Variants in KIF6 observed in about 807,000 individuals in gnomAD.
The protein encoded by KIF6 is kinesin family member 6, also known as kinesin-like protein KIF6.
In KIF6, 106 loss-of-function variants were observed where a neutral mutation model predicts 112.7. The observed-to-expected ratio is 0.94, with a 90% confidence interval of 0.80 to 1.11. KIF6 has a LOEUF of 1.11. Ranked by LOEUF, KIF6 falls within the 50% of genes least tolerant of loss-of-function variation. The pLI, the probability that KIF6 is intolerant of heterozygous loss-of-function variation, is 0.00. For synonymous variants in KIF6, 339 were observed against 339.9 expected (o/e 1.00, Z 0.03); for missense variants, 929 against 964.0 (o/e 0.96, Z 0.48).
intron 10 of KIF6, among the ~76,000 whole-genome samples, chr6:39,551,959 A>G (rs900934513): frequency 3.3e-5 from 5 of 152,238 alleles, no homozygotes; most frequent in African/African-American, 4.8e-5. Context: ...GACCAACTTT[A>G]TAGGAATCGG....
At chr6:39,486,393 C>T (rs763439242) in intron 13 of KIF6, among the ~76,000 whole-genome samples, 23 of 152,168 alleles carry the variant, frequency 1.5e-4, no homozygotes, top group Middle Eastern at 3.2e-3. Context: ...GTGGATGGGC[C>T]ATCTGGGGCC....
chr6:39,533,187 G>A (rs760227010), intron 13 of KIF6, among the ~76,000 whole-genome samples: 10 of 152,216 alleles, frequency 6.6e-5, no homozygotes, highest in Non-Finnish European at 8.8e-5. Flanking sequence ...TGCACCGTGC[G>A]TGAGCCGAAG....
intron 6 of KIF6, among the ~76,000 whole-genome samples, chr6:39,603,673 T>C (rs944561660): frequency 6.6e-6 from 1 of 152,104 alleles, no homozygotes; most frequent in Admixed American, 6.6e-5. Context: ...GAGGTTTACA[T>C]AATATGCTCT....
chr6:39,545,655 G>A lies in KIF6; in HGVS notation c.1215C>T (p.Asp405=). 1 of 1,613,272 alleles carries A rather than the reference G, an allele frequency of 6.2e-7. No individual in the cohort carries two copies. Residue 405 remains aspartate, a synonymous_variant, in exon 11 of 23, where the codon GAC becomes GAT. Coordinates refer to ENST00000287152, the MANE Select transcript of KIF6 (RefSeq NM_145027.6). ...LEKLITSFLE[D]QDSDSRLEVG... Reference sequence around the variant, plus strand: ...CCTCTAATCTACTGTCTGAATCCTGGTCTTCCAAAAAGGATGTTATTAGTT... The same window carrying A: ...CCTCTAATCTACTGTCTGAATCCTGATCTTCCAAAAAGGATGTTATTAGTT...
intron 3 of KIF6, among the ~76,000 whole-genome samples, chr6:39,695,256 G>A (rs1348050046): frequency 6.6e-6 from 1 of 152,054 alleles, no homozygotes; most frequent in Non-Finnish European, 1.5e-5. Context: ...CACTGGCTTA[G>A]GCAAGGAATT....
At chr6:39,640,455 A>G (rs188456805) in intron 3 of KIF6, among the ~76,000 whole-genome samples, 50 of 152,274 alleles carry the variant, frequency 3.3e-4, no homozygotes, top group African/African-American at 1.2e-3. Context: ...TCTTTAATCT[A>G]TGCTACATGG....
chr6:39,476,234 T>G (rs1774421067), intron 13 of KIF6, among the ~76,000 whole-genome samples: 1 of 149,600 alleles, frequency 6.7e-6, no homozygotes. Context: ...AAAAGAAAAG[T>G]CACTTCAAGT....
At chr6:39,482,683 A>G (rs1415367928) in intron 13 of KIF6, among the ~76,000 whole-genome samples, 1 of 152,218 alleles carries the variant, frequency 6.6e-6, no homozygotes, top group African/African-American at 2.4e-5. Context: ...GATGTTAGCA[A>G]TGGCCAGGAG....
At chr6:39,615,928 T>C (rs937333562) in intron 5 of KIF6, among the ~76,000 whole-genome samples, 4 of 152,050 alleles carry the variant, frequency 2.6e-5, no homozygotes, top group African/African-American at 9.7e-5. Flanking sequence ...TAACTAACGC[T>C]CAACTGGGGA....
intron 3 of KIF6, among the ~76,000 whole-genome samples, chr6:39,707,041 G>A (rs1423793809): frequency 1.3e-5 from 2 of 152,146 alleles, no homozygotes; most frequent in Non-Finnish European, 2.9e-5. Context: ...TGCCCCAGTG[G>A]TTACATATTG....
At chr6:39,420,594 T>A (rs1165999003) in intron 14 of KIF6, among the ~76,000 whole-genome samples, 1 of 152,174 alleles carries the variant, frequency 6.6e-6, no homozygotes, top group Non-Finnish European at 1.5e-5. Context: ...ATTTTCTACC[T>A]CACCCTTTAT....
At chr6:39,706,494 A>C (rs1367569547) in intron 3 of KIF6, among the ~76,000 whole-genome samples, 18 of 152,204 alleles carry the variant, frequency 1.2e-4, no homozygotes, top group Non-Finnish European at 2.2e-4. Flanking sequence ...TTAAGCTGAT[A>C]TGTTAGTGTC....
chr6:39,725,196 A>C, intron 1 of KIF6, 49 bp downstream of exon 1: 1 of 1,542,930 alleles, frequency 6.5e-7, no homozygotes, highest in Non-Finnish European at 8.9e-7. Flanking sequence ...GCCCGACCCC[A>C]GCCCAAGAGG....
intron 7 of KIF6, 67 bp from the exon 8 acceptor site, chr6:39,586,471 G>C: frequency 7.9e-7 from 1 of 1,270,378 alleles, no homozygotes; most frequent in Non-Finnish European, 1.1e-6. Context: ...AAACAACAGA[G>C]CTTCAATAGC....
At chr6:39,613,094 C>T in intron 6 of KIF6, 95 bp downstream of exon 6, 3 of 1,023,780 alleles carry the variant, frequency 2.9e-6, no homozygotes. Flanking sequence ...ATTGTTGGCC[C>T]TAAACTTCTA....
chr6:39,454,824 C>A lies in KIF6; in HGVS notation c.1646-23663G>T, dbSNP rs9717757. 2.6e-5 allele frequency among the ~76,000 whole-genome samples: 4 copies of A among 152,216 alleles called. No individual in the cohort carries two copies. In the South Asian group the frequency reaches 8.3e-4, roughly 32 times the overall value. On this transcript the variant is annotated intron_variant, in intron 13 of 22. Coordinates refer to ENST00000287152, the MANE Select transcript of KIF6 (RefSeq NM_145027.6). ...GCGCTTTTCAGACCGGCTTAAAAAA[C>A]GGCGCACCACGAGACTATATCCCAC...
At position 39,332,884 on chromosome 6, in the gene KIF6, A is replaced by T. The variant is rs1484455345; in HGVS notation, c.*3648T>A. The T allele has an allele frequency of 1.3e-5, 2 of 151,816 alleles. No individual in the cohort carries two copies. The highest frequency in any genetic ancestry group is 2.9e-5 in the Non-Finnish European group (2 of 68,006). 9.4% of individuals were successfully genotyped at this position (151,816 alleles called of 1,614,324 possible). ...TTGTCCTCCCTGGATTCCCAGCTCC[A>T]TTTCCTCAACTCAGGGAAACCACTG... On this transcript the variant is annotated 3_prime_UTR_variant, in exon 23 of 23. Transcript: ENST00000287152.
chr6:39,562,603 A>G (rs1780070088), intron 10 of KIF6, among the ~76,000 whole-genome samples: 2 of 152,224 alleles, frequency 1.3e-5, no homozygotes, highest in African/African-American at 4.8e-5. Context: ...GGGGTCACAA[A>G]AGAGCAGATC....
chr6:39,659,137 G>A (rs9462558), intron 3 of KIF6, among the ~76,000 whole-genome samples: 8,346 of 152,204 alleles, frequency 0.055, 752 homozygotes, highest in African/African-American at 0.19. Flanking sequence ...TGGCCCCAAT[G>A]TGACTTGAAC....
Sources: gnomAD v4.1 joint callset for allele counts (sites outside exome capture counted in the v4.1 genomes callset) on GRCh38, gnomAD v4.1.1 for gene constraint, MANE v1.5 for transcripts, NCBI Gene and HGNC (gene_info 2026-07-23, HGNC 2026-07-21) for gene names.